The following DIS3L2 variants were observed in gnomAD, a reference collection of about 807,000 sequenced individuals.
DIS3L2 encodes the protein DIS3-like exonuclease 2.
In DIS3L2, 34 loss-of-function variants were observed where a neutral mutation model predicts 97.5. The ratio of observed to expected loss-of-function variants is 0.35; its 90% CI spans 0.27 to 0.46. The LOEUF is 0.46. Among genes scored for constraint, DIS3L2 ranks in the 20% least tolerant of loss-of-function variants. DIS3L2 has a pLI of 1.00. For synonymous variants in DIS3L2, 435 were observed against 445.2 expected (o/e 0.98, Z 0.29); for missense variants, 1,038 against 1,146.0 (o/e 0.91, Z 1.36).
At chr2:232,066,944 T>C (rs998144122) in intron 5 of DIS3L2, among the ~76,000 whole-genome samples, 5 of 152,148 alleles carry the variant, frequency 3.3e-5, no homozygotes, top group East Asian at 1.9e-4. Flanking sequence ...ATTCTTTTAC[T>C]GTCCTTTTAA....
intron 5 of DIS3L2, among the ~76,000 whole-genome samples, chr2:232,050,444 ATT>A (rs766372087): frequency 2.1e-4 from 28 of 136,414 alleles, no homozygotes; most frequent in Admixed American, 2.9e-4. Flanking sequence ...TAATCTTTGT[ATT>A]TTTTTTTTTT....
chr2:231,962,920 C>CT (rs1365213781), intron 1 of DIS3L2, among the ~76,000 whole-genome samples: 5 of 151,678 alleles, frequency 3.3e-5, no homozygotes, highest in Non-Finnish European at 5.9e-5. Context: ...TGATATCTTC[C>CT]TTTTTTGTGG....
intron 12 of DIS3L2, among the ~76,000 whole-genome samples, chr2:232,262,574 G>C (rs1482475652): frequency 6.6e-6 from 1 of 152,188 alleles, no homozygotes; most frequent in Admixed American, 6.5e-5. Flanking sequence ...AGTGGATAGA[G>C]GCCAGGGATA....
chr2:232,329,002 C>T (rs1695655019), intron 14 of DIS3L2: 1 of 152,420 alleles, frequency 6.6e-6, no homozygotes, highest in Admixed American at 6.5e-5. Flanking sequence ...TCGGTCCCCG[C>T]TCCTTCAGTC....
intron 1 of DIS3L2, among the ~76,000 whole-genome samples, chr2:231,969,697 G>A (rs1294375085): frequency 6.6e-6 from 1 of 152,054 alleles, no homozygotes; most frequent in Non-Finnish European, 1.5e-5. Flanking sequence ...TCCTTTCCAG[G>A]CTTTTATTTC....
chr2:232,115,759 G>T (rs1255011907), intron 6 of DIS3L2, among the ~76,000 whole-genome samples: 1 of 152,158 alleles, frequency 6.6e-6, no homozygotes, highest in African/African-American at 2.4e-5. Flanking sequence ...GCCTTCCACT[G>T]TGATTGTAAG....
intron 14 of DIS3L2, 28 bp from the exon 15 acceptor site, chr2:232,329,785 T>TGCCGGGGGGGCGCCCC: frequency 2.1e-6 from 2 of 967,144 alleles, no homozygotes; most frequent in Non-Finnish European, 2.9e-6. Flanking sequence ...ACCCCAGCGG[T>TGCCGGGGGGGCGCCCC]CCCTCCCATC....
rs1695709713 is a variant in DIS3L2 at position 232,330,703 on chromosome 2, A to C, written c.1937A>C (p.Gln646Pro). Residue 646 changes from glutamine to proline, a missense_variant, in exon 16 of 21, where the codon CAA becomes CCA. By Grantham distance (76) the Gln-to-Pro change is moderately conservative. Coordinates refer to ENST00000325385, the MANE Select transcript of DIS3L2 (RefSeq NM_152383.5). Reference protein sequence around the residue: ...SAGALNKSLTQTFGDDKYSLA... With the variant: ...SAGALNKSLTPTFGDDKYSLA... ...ATTTGCTTCTAGAAAAGCCTGACCC[A>C]AACATTTGGAGATGACAAGTACTCA... 2.5e-6 allele frequency: 4 copies of C among 1,614,018 alleles called. No individual in the cohort carries two copies. The highest frequency in any genetic ancestry group is 1.7e-4 in the Middle Eastern group (1 of 6,060).
At chr2:232,215,653 T>G (rs936045510) in intron 10 of DIS3L2, among the ~76,000 whole-genome samples, 1 of 152,192 alleles carries the variant, frequency 6.6e-6, no homozygotes, top group Non-Finnish European at 1.5e-5. Context: ...CCCAAATGGC[T>G]GTGTTTGTCA....
rs565462243 is a variant in DIS3L2, at chr2:232,240,388, G to A, written c.1317+1743G>A. Among the ~76,000 whole-genome samples the A allele has an allele frequency of 2.6e-5, 4 of 152,324 alleles. No homozygotes were observed. In the South Asian group the frequency reaches 8.3e-4, roughly 32 times the overall value. On this transcript the variant is annotated intron_variant, in intron 11 of 20. Transcript: ENST00000325385. ...AGAATAGTGAATAGAGAGGAAGACA[G>A]AGTTGATCAGAGCCAGGAAATTCTG...
At chr2:232,103,808 C>T (rs1384511954) in intron 6 of DIS3L2, among the ~76,000 whole-genome samples, 1 of 152,118 alleles carries the variant, frequency 6.6e-6, no homozygotes, top group African/African-American at 2.4e-5. Flanking sequence ...CTTTAGTTGG[C>T]AACTTTCTCA....
Position 232,014,814 on chromosome 2 carries a change from C to T in DIS3L2, c.-93-21C>T. 7 of 1,164,804 alleles carry T rather than the reference C, an allele frequency of 6.0e-6. No individual in the cohort carries two copies. The East Asian group carries it at 1.5e-4, about 24-fold the overall frequency. The allele number at this position is 1,164,804 out of a possible 1,614,324, so 72.2% of individuals were successfully genotyped here. Reference sequence around the variant, plus strand: ...CTACAGCTTAACCGCTCTCCAATTACCAATCTCTTCTTGGTTTCAGCGAAT... The same window carrying T: ...CTACAGCTTAACCGCTCTCCAATTATCAATCTCTTCTTGGTTTCAGCGAAT... On this transcript the variant is annotated intron_variant, in intron 1 of 20. Transcript: ENST00000325385.
At chr2:232,035,777 T>C (rs925912183) in intron 5 of DIS3L2, among the ~76,000 whole-genome samples, 7 of 152,226 alleles carry the variant, frequency 4.6e-5, no homozygotes, top group South Asian at 4.1e-4. Flanking sequence ...TTTGGCTGGA[T>C]ATGAATTCTG....
intron 6 of DIS3L2, among the ~76,000 whole-genome samples, chr2:232,104,337 G>A (rs1030465868): frequency 2.6e-5 from 4 of 152,042 alleles, no homozygotes; most frequent in African/African-American, 7.3e-5. Flanking sequence ...CCTCCCTGAC[G>A]CAGCAGGTAT....
chr2:232,327,543 G>A (rs1204987332), intron 14 of DIS3L2, among the ~76,000 whole-genome samples: 1 of 152,262 alleles, frequency 6.6e-6, no homozygotes, highest in Non-Finnish European at 1.5e-5. Context: ...GGCCTGACCA[G>A]TATCAGATTA....
chr2:232,138,057 C>T (rs1698407360), intron 8 of DIS3L2, among the ~76,000 whole-genome samples: 1 of 152,154 alleles, frequency 6.6e-6, no homozygotes. Context: ...TTTTATCTGC[C>T]TTTCTGTCGT....
At position 232,298,494 on chromosome 2, in the gene DIS3L2, G is replaced by A. The variant is rs1001713299; in HGVS notation, c.1660-1546G>A. ...GGGAAGATTCAAGTGGTGCTCTGTAGGGCAAACATGCCTTTGACTTGAAGT... is the reference window on the plus strand; with the variant it reads ...GGGAAGATTCAAGTGGTGCTCTGTAAGGCAAACATGCCTTTGACTTGAAGT... On this transcript the variant is annotated intron_variant, in intron 13 of 20. Transcript: ENST00000325385. Among the ~76,000 whole-genome samples, 245 of 152,234 alleles carry A rather than the reference G, an allele frequency of 1.6e-3. 1 individual carries two copies. The highest frequency in any genetic ancestry group is 5.7e-3 in the African/African-American group (238 of 41,526).
At chr2:232,095,131 A>G (rs1264623542) in intron 6 of DIS3L2, among the ~76,000 whole-genome samples, 1 of 152,142 alleles carries the variant, frequency 6.6e-6, no homozygotes, top group Non-Finnish European at 1.5e-5. Flanking sequence ...TTTGTATTGG[A>G]AAGTTCAGTC....
intron 5 of DIS3L2, among the ~76,000 whole-genome samples, chr2:232,064,194 C>T (rs1695790393): frequency 6.6e-6 from 1 of 152,144 alleles, no homozygotes; most frequent in Non-Finnish European, 1.5e-5. Context: ...ATTCTTTACT[C>T]CCGAAAATTC....
Sources: allele counts gnomAD v4.1 joint callset (sites outside exome capture counted in the v4.1 genomes callset), GRCh38; gene constraint gnomAD v4.1.1; transcripts MANE v1.5; gene names NCBI Gene and HGNC (gene_info 2026-07-23, HGNC 2026-07-21).